PLAAT3: variants seen among roughly 807,000 people sequenced by gnomAD.
PLAAT3 encodes the protein Ca-independent phospholipase A1/2.
A neutral mutation model predicts 16.7 loss-of-function variants in PLAAT3; 21 were observed. The ratio of observed to expected loss-of-function variants is 1.26; its 90% CI spans 0.89 to 1.81. The LOEUF is 1.81. Ranked by LOEUF, PLAAT3 falls within the 40% of genes most tolerant of loss-of-function variation. The pLI, the probability that PLAAT3 is intolerant of heterozygous loss-of-function variation, is 0.00. For synonymous variants in PLAAT3, 76 were observed against 81.7 expected, an observed-to-expected ratio of 0.93 and a Z score of 0.38; for missense variants, 219 against 213.7, an observed-to-expected ratio of 1.02 and a Z score of -0.16.
intron 4 of PLAAT3, among the ~76,000 whole-genome samples, chr11:63,578,125 T>C: frequency 6.6e-6 from 1 of 151,690 alleles, no homozygotes; most frequent in South Asian, 2.1e-4. Context: ...CTACTAAAAA[T>C]ACAAAAAATT....
At chr11:63,589,507 G>T (rs1267252060) in intron 4 of PLAAT3, among the ~76,000 whole-genome samples, 1 of 150,904 alleles carries the variant, frequency 6.6e-6, no homozygotes, top group African/African-American at 2.4e-5. Flanking sequence ...GGAGAGGAAA[G>T]ACAAAAATAA....
chr11:63,606,226 A>G (rs1299269356), intron 2 of PLAAT3, among the ~76,000 whole-genome samples: 1 of 152,136 alleles, frequency 6.6e-6, no homozygotes, highest in Middle Eastern at 3.2e-3. Flanking sequence ...CAATCTAGGC[A>G]CCTGGGCTCT....
intron 4 of PLAAT3, among the ~76,000 whole-genome samples, chr11:63,586,413 C>T (rs58138002): frequency 2.0e-4 from 31 of 152,320 alleles, no homozygotes; most frequent in Middle Eastern, 3.4e-3. Flanking sequence ...GGATTACAGG[C>T]GTGAGCCACC....
At chr11:63,591,218 C>CA (rs1197614400) in intron 3 of PLAAT3, among the ~76,000 whole-genome samples, 1 of 151,984 alleles carries the variant, frequency 6.6e-6, no homozygotes, top group Non-Finnish European at 1.5e-5. Context: ...TCCGTCTCTA[C>CA]AAAAAATACA....
chr11:63,603,267 C>A (rs1246358460), intron 2 of PLAAT3, among the ~76,000 whole-genome samples: 1 of 152,144 alleles, frequency 6.6e-6, no homozygotes, highest in Non-Finnish European at 1.5e-5. Context: ...GAGAAGAGAA[C>A]TGCCTCCTCC....
upstream of PLAAT3, chr11:63,616,842 G>A (rs1426265814): frequency 6.6e-6 from 1 of 152,058 alleles, no homozygotes; most frequent in African/African-American, 2.4e-5. Context: ...AATTAGCCGG[G>A]CGAGGTGGCG....
chr11:63,606,509 A>G (rs1938569877), intron 2 of PLAAT3, among the ~76,000 whole-genome samples: 1 of 152,038 alleles, frequency 6.6e-6, no homozygotes, highest in Non-Finnish European at 1.5e-5. Flanking sequence ...GAGATCCGAA[A>G]CCAACAGAAA....
rs750227890 is a variant in PLAAT3 at position 63,590,168 on chromosome 11, T to A, written c.319A>T (p.Lys107Ter). ...EELVGQEVLY[K>*]LTSENCEHFV... ...TGCTCGCAGTTCTCACTGGTCAGCT[T>A]GTAGAGCACCTCCTGCCCCACCAGC... Residue 107 changes from lysine (K) to a stop codon, truncating the protein, a stop_gained, in exon 4 of 5, where the codon AAG becomes TAG. Transcript: ENST00000415826. LOFTEE classifies it high-confidence loss of function. The A allele has an allele frequency of 6.2e-7, 1 of 1,614,192 alleles. No homozygotes were observed. The highest frequency in any genetic ancestry group is 8.5e-7 in the Non-Finnish European group (1 of 1,180,002).
rs775160549 is a variant in PLAAT3, at chr11:63,590,147, C to T, written c.340G>A (p.Glu114Lys). 5.6e-6 allele frequency: 9 copies of T among 1,614,058 alleles called. No homozygotes were observed. The highest frequency in any genetic ancestry group is 2.2e-5 in the South Asian group (2 of 91,092). ...TAGCGCAGCTCATTCACAAAGTGCT[C>T]GCAGTTCTCACTGGTCAGCTTGTAG... ...VLYKLTSENC[E>K]HFVNELRYGV... The change falls in exon 4 of 5, where the codon GAG becomes AAG. Residue 114 changes from glutamate (E) to lysine (K), a missense_variant. Transcript: ENST00000415826.
chr11:63,611,021 A>C (rs1010859176), intron 2 of PLAAT3, among the ~76,000 whole-genome samples: 3 of 152,124 alleles, frequency 2.0e-5, no homozygotes, highest in Admixed American at 2.0e-4. Flanking sequence ...AAAAGCCCAC[A>C]GTGGGGAGGC....
chr11:63,587,181 A>C (rs1226384694), intron 4 of PLAAT3, among the ~76,000 whole-genome samples: 1 of 152,236 alleles, frequency 6.6e-6, no homozygotes, highest in Non-Finnish European at 1.5e-5. Context: ...TAGGAGTGCC[A>C]GAGAATACAA....
Position 63,598,089 on chromosome 11 carries a change from A to T in PLAAT3, c.90T>A (p.Asp30Glu), listed in dbSNP as rs746491288. ...FYRHWAIYVG[D>E]GYVVHLAPPS... ...GAGGGGCCAGATGAACCACATATCC[A>T]TCGCCAACATAGATGGCCCAGTGTC... Residue 30 changes from aspartate to glutamate, a missense_variant, in exon 3 of 5, where the codon GAT becomes GAA. Asp to Glu is a conservative substitution (Grantham distance 45). Coordinates refer to ENST00000415826, the MANE Select transcript of PLAAT3 (RefSeq NM_001128203.2). The T allele has an allele frequency of 3.1e-6, 5 of 1,613,324 alleles. No individual in the cohort carries two copies. The highest frequency in any genetic ancestry group is 4.2e-6 in the Non-Finnish European group (5 of 1,179,364).
intron 4 of PLAAT3, among the ~76,000 whole-genome samples, chr11:63,585,479 G>A (rs1021341285): frequency 1.1e-4 from 17 of 152,064 alleles, no homozygotes; most frequent in African/African-American, 4.1e-4. Context: ...CTGGTATCTA[G>A]TGTGTAGAGG....
chr11:63,585,435 G>A (rs1161049861), intron 4 of PLAAT3, among the ~76,000 whole-genome samples: 1 of 151,942 alleles, frequency 6.6e-6, no homozygotes. Flanking sequence ...GTCTACAGAC[G>A]TTTTTGGTTC....
chr11:63,595,868 G>A (rs1323198265), intron 3 of PLAAT3, among the ~76,000 whole-genome samples: 2 of 152,156 alleles, frequency 1.3e-5, no homozygotes, highest in African/African-American at 4.8e-5. Flanking sequence ...AATCAAGGCT[G>A]AAGAATGGAA....
chr11:63,588,774 C>T (rs953352916), intron 4 of PLAAT3, among the ~76,000 whole-genome samples: 2 of 151,712 alleles, frequency 1.3e-5, no homozygotes, highest in Admixed American at 1.3e-4. Context: ...AAGAGGATAC[C>T]CATTCAAAGG....
In PLAAT3 at chr11:63,577,541, A is replaced by T. The variant is rs547943119; in HGVS notation, c.388-2495T>A. On this transcript the variant is annotated intron_variant, in intron 4 of 4. Coordinates refer to ENST00000415826, the MANE Select transcript of PLAAT3 (RefSeq NM_001128203.2). Reference sequence around the variant, plus strand: ...ATCTGAAGAAGTCCTCTAAAATTGAAGACAGAGACAAAAAAAAAATAGCAA... The same window carrying T: ...ATCTGAAGAAGTCCTCTAAAATTGATGACAGAGACAAAAAAAAAATAGCAA... Among the ~76,000 whole-genome samples, 126 of 133,240 alleles carry T rather than the reference A, an allele frequency of 9.5e-4. 1 individual carries two copies. The highest frequency in any genetic ancestry group is 3.1e-3 in the African/African-American group (117 of 37,644). The allele number at this position is 133,240 out of a possible 152,430, so 87.4% of individuals were successfully genotyped here.
intron 4 of PLAAT3, among the ~76,000 whole-genome samples, chr11:63,581,567 T>C (rs1414108206): frequency 2.0e-5 from 3 of 152,210 alleles, no homozygotes; most frequent in Non-Finnish European, 4.4e-5. Flanking sequence ...ATCAAGACAA[T>C]GCGTGCACAG....
intron 4 of PLAAT3, among the ~76,000 whole-genome samples, chr11:63,582,304 A>G (rs1388798139): frequency 6.6e-6 from 1 of 152,220 alleles, no homozygotes; most frequent in East Asian, 1.9e-4. Flanking sequence ...AAGGAAATCC[A>G]AAGGATGACA....
Sources: gnomAD v4.1 joint callset for allele counts (sites outside exome capture counted in the v4.1 genomes callset) on GRCh38, gnomAD v4.1.1 for gene constraint, MANE v1.5 for transcripts, NCBI Gene and HGNC (gene_info 2026-07-23, HGNC 2026-07-21) for gene names.